PARD3B: variants seen among roughly 807,000 people sequenced by gnomAD.
PARD3B encodes the protein par-3 family cell polarity regulator beta, also known as partitioning defective 3 homolog B.
In PARD3B, 103 loss-of-function variants were observed where a neutral mutation model predicts 130.2. The observed-to-expected ratio is 0.79, with a 90% CI of 0.67 to 0.93. The LOEUF (loss-of-function observed/expected upper bound fraction) is 0.93. Among genes scored for constraint, PARD3B ranks in the 40% least tolerant of loss-of-function variants. PARD3B has a pLI of 0.00. For synonymous variants in PARD3B, 583 were observed against 553.2 expected (o/e 1.05, Z -0.76); for missense variants, 1,609 against 1,499.2 (o/e 1.07, Z -1.21).
intron 2 of PARD3B, among the ~76,000 whole-genome samples, chr2:204,783,001 T>A (rs2125456061): frequency 6.6e-6 from 1 of 152,214 alleles, no homozygotes; most frequent in South Asian, 2.1e-4. Context: ...AAAATTTCTG[T>A]TCTATCTACC....
At chr2:204,565,366 A>G (rs1443137268) in intron 1 of PARD3B, among the ~76,000 whole-genome samples, 2 of 152,230 alleles carry the variant, frequency 1.3e-5, no homozygotes, top group African/African-American at 4.8e-5. Flanking sequence ...ATCACAACCA[A>G]TGAAATATTC....
rs115910104 is a variant in PARD3B at position 204,888,238 on chromosome 2, G to A, written c.223-76914G>A. The stretch of plus-strand genomic sequence containing the variant: ...ATTGAGATTTATCAACAATAAGGCT[G>A]AGGATACCAGGCTTGAAGTGTTCCC... On this transcript the variant is annotated intron_variant, in intron 2 of 22. Coordinates refer to ENST00000406610, the MANE Select transcript of PARD3B (RefSeq NM_001302769.2). 4.4e-3 allele frequency among the ~76,000 whole-genome samples: 670 copies of A among 152,294 alleles called. 6 individuals are homozygous for A. Among genetic ancestry groups the A allele is most frequent in the African/African-American group, 0.015 (605 of 41,560 alleles).
chr2:205,182,634 G>A (rs899929668), intron 13 of PARD3B, among the ~76,000 whole-genome samples: 2 of 152,170 alleles, frequency 1.3e-5, no homozygotes, highest in Admixed American at 6.5e-5. Flanking sequence ...CATTGCAAAA[G>A]TGGCATTTGA....
At position 205,422,022 on chromosome 2, in the gene PARD3B, A is replaced by C. The variant is rs149022257; in HGVS notation, c.2742-18348A>C. The stretch of plus-strand genomic sequence containing the variant: ...CAAGTCAAACAAGGACGCTGCTTCC[A>C]TGAAGATTCCATTCTTGTAAACAGA... On this transcript the variant is annotated intron_variant, in intron 19 of 22. Coordinates refer to ENST00000406610, the MANE Select transcript of PARD3B (RefSeq NM_001302769.2). 2.5e-3 allele frequency among the ~76,000 whole-genome samples: 375 copies of C among 152,360 alleles called. 7 individuals are homozygous for C. Among genetic ancestry groups the C allele is most frequent in the African/African-American group, 8.6e-3 (359 of 41,588 alleles).
At chr2:205,502,498 G>C (rs1468973993) in intron 21 of PARD3B, among the ~76,000 whole-genome samples, 1 of 152,114 alleles carries the variant, frequency 6.6e-6, no homozygotes, top group Non-Finnish European at 1.5e-5. Context: ...CACGAAAGCG[G>C]TCCAACTTCT....
intron 20 of PARD3B, among the ~76,000 whole-genome samples, chr2:205,487,905 T>C (rs1468944597): frequency 1.3e-5 from 2 of 152,206 alleles, no homozygotes; most frequent in African/African-American, 4.8e-5. Flanking sequence ...TGCGTATTAG[T>C]GTTATCATTA....
At chr2:205,040,351 C>G (rs1264479758) in intron 3 of PARD3B, among the ~76,000 whole-genome samples, 1 of 152,132 alleles carries the variant, frequency 6.6e-6, no homozygotes, top group East Asian at 1.9e-4. Flanking sequence ...CCTCCGTGCT[C>G]ATTTAGCCAG....
At chr2:205,297,842 T>A (rs996540621) in intron 16 of PARD3B, among the ~76,000 whole-genome samples, 13 of 152,216 alleles carry the variant, frequency 8.5e-5, no homozygotes, top group African/African-American at 3.1e-4. Flanking sequence ...AGTTAGGTTG[T>A]AATATTGCCC....
intron 20 of PARD3B, among the ~76,000 whole-genome samples, chr2:205,477,997 G>C (rs868674283): frequency 1.3e-5 from 2 of 152,214 alleles, no homozygotes; most frequent in African/African-American, 4.8e-5. Flanking sequence ...CCTTGGAGAA[G>C]GACACGGAGC....
intron 3 of PARD3B, among the ~76,000 whole-genome samples, chr2:205,036,054 A>T (rs891432157): frequency 1.4e-5 from 2 of 145,704 alleles, no homozygotes; most frequent in Non-Finnish European, 1.5e-5. Context: ...ATTTATTGCC[A>T]TTCATCTTGG....
intron 2 of PARD3B, among the ~76,000 whole-genome samples, chr2:204,772,046 A>G (rs1246828727): frequency 6.6e-6 from 1 of 152,120 alleles, no homozygotes; most frequent in East Asian, 1.9e-4. Flanking sequence ...TTGCATGAAC[A>G]AAACAATTAG....
At chr2:204,802,298 G>C (rs1483137317) in intron 2 of PARD3B, among the ~76,000 whole-genome samples, 1 of 152,114 alleles carries the variant, frequency 6.6e-6, no homozygotes, top group South Asian at 2.1e-4. Flanking sequence ...GAGATACCAT[G>C]TCATGCCAGA....
chr2:204,916,428 G>A (rs2047448338), intron 2 of PARD3B, among the ~76,000 whole-genome samples: 1 of 121,034 alleles, frequency 8.3e-6, no homozygotes, highest in Non-Finnish European at 2.1e-5. Flanking sequence ...ATTGTTTAAT[G>A]TTTTAAAATT....
chr2:205,245,820 C>A lies in PARD3B; in HGVS notation c.2183C>A (p.Ser728Ter). ...SKVHSLAGQK[S>*]ESPSKDFGPT... ...GTTCACTCATTGGCTGGACAAAAAT[C>A]GGGTAAGAAATTCCTTGTAACTGAC... is the stretch of plus-strand genomic sequence containing the variant. Residue 728 changes from serine (S) to a stop codon, truncating the protein, a stop_gained and splice_region_variant, in exon 16 of 23, where the codon TCG (serine) becomes TAG (stop). Coordinates refer to ENST00000406610, the MANE Select transcript of PARD3B (RefSeq NM_001302769.2). LOFTEE classifies it high-confidence loss of function. The A allele has an allele frequency of 6.3e-7, 1 of 1,590,936 alleles. No individual in the cohort carries two copies.
intron 2 of PARD3B, among the ~76,000 whole-genome samples, chr2:204,928,117 C>T (rs920933490): frequency 6.6e-6 from 1 of 152,078 alleles, no homozygotes. Flanking sequence ...CTCTGCTGAT[C>T]TAGGCCGTGT....
At chr2:204,904,795 C>T (rs1242284679) in intron 2 of PARD3B, among the ~76,000 whole-genome samples, 3 of 151,762 alleles carry the variant, frequency 2.0e-5, no homozygotes, top group South Asian at 2.1e-4. Flanking sequence ...CACTACATGT[C>T]GTGATAGTTT....
At chr2:205,107,488 G>A (rs1703312639) in intron 5 of PARD3B, among the ~76,000 whole-genome samples, 1 of 152,148 alleles carries the variant, frequency 6.6e-6, no homozygotes. Context: ...TAAATGAAAG[G>A]CTGAAGAAAC....
At chr2:204,719,960 G>C (rs180970386) in intron 2 of PARD3B, among the ~76,000 whole-genome samples, 10 of 152,262 alleles carry the variant, frequency 6.6e-5, no homozygotes, top group Non-Finnish European at 1.3e-4. Flanking sequence ...TTTGTGTTGA[G>C]TAAGAGTTTT....
intron 2 of PARD3B, among the ~76,000 whole-genome samples, chr2:204,697,339 G>A (rs879343703): frequency 3.3e-5 from 5 of 152,108 alleles, no homozygotes; most frequent in South Asian, 2.1e-4. Context: ...GGGTTCAGAG[G>A]GAGCCTGCTA....
Sources: allele counts gnomAD v4.1 joint callset (sites outside exome capture counted in the v4.1 genomes callset), GRCh38; gene constraint gnomAD v4.1.1; transcripts MANE v1.5; gene names NCBI Gene and HGNC (gene_info 2026-07-23, HGNC 2026-07-21).